The following LIMS1 variants were observed in gnomAD, a reference collection of about 807,000 sequenced individuals.
The protein encoded by LIMS1 is LIM and senescent cell antigen-like-containing domain protein 1.
LIMS1 carries 18 observed loss-of-function variants against 44.1 expected under a neutral mutation model. That is an observed-to-expected ratio of 0.41 (90% CI 0.28 to 0.61). The LOEUF is 0.61. LIMS1 is among the 20% of genes least tolerant of loss of function. The pLI is 0.32. For synonymous variants in LIMS1, 93 were observed against 149.1 expected (o/e 0.62, Z 2.74); for missense variants, 201 against 422.0 (o/e 0.48, Z 4.59).
chr2:108,587,287 G>GGGGT (rs1558798239), intron 1 of LIMS1, among the ~76,000 whole-genome samples: 1 of 111,710 alleles, frequency 9.0e-6, no homozygotes, highest in African/African-American at 3.4e-5. Flanking sequence ...GTTTTCTTGG[G>GGGGT]GTTTGTGTGT....
Position 108,621,296 on chromosome 2 carries a change from A to T in LIMS1, c.33-38309A>T, listed in dbSNP as rs936526198. ...GCAAGGGACGCTGCTTTCCCCTGGC[A>T]GCCACACTGCTGAGCATAAATGCTT... On this transcript the variant is annotated intron_variant, in intron 1 of 9. Transcript: ENST00000544547. 20 of 1,542,778 alleles carry T rather than the reference A, an allele frequency of 1.3e-5. No homozygotes were observed. The African/African-American group carries it at 2.3e-4, about 18-fold the overall frequency.
intron 1 of LIMS1, chr2:108,607,265 G>A: frequency 6.4e-7 from 1 of 1,550,800 alleles, no homozygotes. Flanking sequence ...GGTGAGTGCT[G>A]CTGCACAATA....
intron 1 of LIMS1, among the ~76,000 whole-genome samples, chr2:108,583,032 G>GT (rs1007579834): frequency 2.0e-5 from 3 of 151,726 alleles, no homozygotes; most frequent in East Asian, 1.9e-4. Flanking sequence ...GTTTTTTGTT[G>GT]TTTTTTTGTT....
intron 1 of LIMS1, among the ~76,000 whole-genome samples, chr2:108,650,861 TATTCATTC>T (rs55825801): frequency 4.0e-5 from 6 of 151,206 alleles, no homozygotes; most frequent in African/African-American, 1.5e-4. Flanking sequence ...TTTATTTATT[TATTCATTC>T]ATTCATTCAT....
chr2:108,588,748 A>T (rs1686228346), intron 1 of LIMS1: 2 of 324,248 alleles, frequency 6.2e-6, no homozygotes, highest in Non-Finnish European at 8.9e-6. Context: ...GGTGAGTTGT[A>T]GTAACCTTCA....
chr2:108,566,596 T>G (rs888255818), intron 1 of LIMS1, among the ~76,000 whole-genome samples: 2 of 152,118 alleles, frequency 1.3e-5, no homozygotes, highest in African/African-American at 2.4e-5. Context: ...ATTTACCATC[T>G]TAAACATTTT....
intron 1 of LIMS1, among the ~76,000 whole-genome samples, chr2:108,558,305 C>T (rs773843415): frequency 1.3e-5 from 2 of 151,852 alleles, no homozygotes; most frequent in African/African-American, 2.4e-5. Context: ...GCAAGCTCCA[C>T]CTCGTGGGTT....
intron 1 of LIMS1, among the ~76,000 whole-genome samples, chr2:108,553,964 A>G (rs1469965): frequency 0.36 from 55,239 of 152,038 alleles, 11,880 homozygotes; most frequent in East Asian, 0.88. Flanking sequence ...GATTATCCTC[A>G]TTCTCTTTTA....
intron 3 of LIMS1, among the ~76,000 whole-genome samples, chr2:108,671,390 C>T (rs2148996072): frequency 6.6e-6 from 1 of 152,258 alleles, no homozygotes; most frequent in African/African-American, 2.4e-5. Context: ...TGAACTAGGA[C>T]TCCTATCGGG....
chr2:108,613,623 C>T (rs1178530445), intron 1 of LIMS1, among the ~76,000 whole-genome samples: 1 of 152,292 alleles, frequency 6.6e-6, no homozygotes, highest in East Asian at 1.9e-4. Context: ...GGTCCTTACC[C>T]TGGGGCCTTT....
rs566244290 is a variant in LIMS1 at position 108,662,463 on chromosome 2, G to A, written c.192+2699G>A. 386 of 1,389,486 alleles carry A rather than the reference G, an allele frequency of 2.8e-4. 3 individuals are homozygous for A. The highest frequency in any genetic ancestry group is 1.7e-3 in the South Asian group (116 of 69,996). 86.1% of individuals were successfully genotyped at this position (1,389,486 alleles called of 1,614,324 possible). A position where few individuals can be genotyped will look rare whatever the true frequency, so the allele number is the denominator to read the frequency against. On this transcript the variant is annotated intron_variant, in intron 2 of 9. Coordinates refer to ENST00000544547, the Ensembl canonical transcript of LIMS1. ...TGTGTGCTGTTATTCCAAAAGATGC[G>A]ATGAATACCCAGAACTAGGCTATTC...
intron 1 of LIMS1, among the ~76,000 whole-genome samples, chr2:108,616,976 A>G (rs1687965717): frequency 6.6e-6 from 1 of 152,236 alleles, no homozygotes; most frequent in Non-Finnish European, 1.5e-5. Context: ...AACATAAACT[A>G]AAAATGATTC....
intron 1 of LIMS1, among the ~76,000 whole-genome samples, chr2:108,633,642 G>A (rs915728749): frequency 2.6e-5 from 4 of 152,124 alleles, no homozygotes; most frequent in African/African-American, 9.7e-5. Context: ...AGATTGTTCT[G>A]TCTTATGCTT....
chr2:108,640,324 A>T (rs1357478961), intron 1 of LIMS1, among the ~76,000 whole-genome samples: 1 of 152,144 alleles, frequency 6.6e-6, no homozygotes, highest in Non-Finnish European at 1.5e-5. Context: ...TTTTCTAGAG[A>T]TCATCCAGGG....
At chr2:108,676,751 T>C (rs1052101625) in intron 7 of LIMS1, 53 bp downstream of exon 7, 40 of 1,054,300 alleles carry the variant, frequency 3.8e-5, no homozygotes, top group Admixed American at 5.8e-5. Context: ...CCTAAGCTTA[T>C]CAGTAGTTTA....
intron 1 of LIMS1, among the ~76,000 whole-genome samples, chr2:108,551,929 ATGTGTGTGTG>A (rs1213737564): frequency 2.2e-3 from 296 of 135,722 alleles, no homozygotes; most frequent in African/African-American, 7.9e-3. Flanking sequence ...ATGTGTATAT[ATGTGTGTGTG>A]TGTGTGTGTG....
chr2:108,576,248 A>G (rs1316409121), intron 1 of LIMS1, among the ~76,000 whole-genome samples: 1 of 152,164 alleles, frequency 6.6e-6, no homozygotes, highest in Non-Finnish European at 1.5e-5. Flanking sequence ...AGTACCAGTT[A>G]TGGGTCAACT....
intron 1 of LIMS1, among the ~76,000 whole-genome samples, chr2:108,566,479 C>T (rs1348770817): frequency 1.3e-5 from 2 of 152,192 alleles, no homozygotes; most frequent in East Asian, 3.8e-4. Context: ...CCCAGGGCCA[C>T]ACAGTAGGTG....
intron 1 of LIMS1, among the ~76,000 whole-genome samples, chr2:108,624,794 G>C (rs1236006336): frequency 6.6e-6 from 1 of 151,294 alleles, no homozygotes; most frequent in Non-Finnish European, 1.5e-5. Context: ...ATAGGGGCTG[G>C]TAGGCCGGGT....
Sources: allele counts gnomAD v4.1 joint callset (sites outside exome capture counted in the v4.1 genomes callset), GRCh38; gene constraint gnomAD v4.1.1; transcripts MANE v1.5; gene names NCBI Gene and HGNC (gene_info 2026-07-23, HGNC 2026-07-21).